The following MBTD1 variants were observed in gnomAD, a reference collection of about 807,000 sequenced individuals.
MBTD1 encodes the protein mbt domain containing 1.
MBTD1 carries 24 observed loss-of-function variants against 87.8 expected under a neutral mutation model. That is an observed-to-expected ratio of 0.27 (90% confidence interval 0.20 to 0.38). The LOEUF (loss-of-function observed/expected upper bound fraction) is 0.38, where lower values mean the gene tolerates loss of function less well. Among genes scored for constraint, MBTD1 ranks in the 10% least tolerant of loss-of-function variants. MBTD1 has a pLI of 1.00. For synonymous variants in MBTD1, 237 were observed against 248.6 expected (o/e 0.95, Z 0.44); for missense variants, 436 against 760.2 (o/e 0.57, Z 5.02).
At chr17:51,192,702 A>T in intron 15 of MBTD1, 80 bp downstream of exon 15, 1 of 1,576,892 alleles carries the variant, frequency 6.3e-7, no homozygotes. Flanking sequence ...CTGTGAGCTC[A>T]TAAGATGACT....
At chr17:51,229,171 C>CA (rs2053415910) in intron 2 of MBTD1, among the ~76,000 whole-genome samples, 1 of 152,104 alleles carries the variant, frequency 6.6e-6, no homozygotes, top group African/African-American at 2.4e-5. Flanking sequence ...CTCTACTAAA[C>CA]AAACAAGAAA....
chr17:51,200,901 C>CTATA (rs2143042668), intron 12 of MBTD1, among the ~76,000 whole-genome samples: 1 of 151,802 alleles, frequency 6.6e-6, no homozygotes, highest in East Asian at 1.9e-4. Context: ...TGGCTCATGC[C>CTATA]TATAATCCTA....
At chr17:51,194,582 A>AAAAAC (rs1464556788) in intron 13 of MBTD1, among the ~76,000 whole-genome samples, 4 of 149,122 alleles carry the variant, frequency 2.7e-5, no homozygotes, top group African/African-American at 9.9e-5. Context: ...AAAAAAAAAA[A>AAAAAC]AAAAAAAAAA....
At chr17:51,212,173 C>T (rs1437505753) in intron 6 of MBTD1, among the ~76,000 whole-genome samples, 2 of 152,070 alleles carry the variant, frequency 1.3e-5, no homozygotes, top group African/African-American at 4.8e-5. Context: ...GCCTGACCAA[C>T]ATGGTGAAAC....
intron 3 of MBTD1, among the ~76,000 whole-genome samples, chr17:51,224,007 C>T (rs1348064864): frequency 2.6e-5 from 4 of 152,144 alleles, no homozygotes; most frequent in Non-Finnish European, 5.9e-5. Context: ...AGTTCATTAT[C>T]ATTTTCAAGA....
At chr17:51,259,244 C>CT in intron 1 of MBTD1, 38 bp from the exon 2 acceptor site, 1 of 1,231,492 alleles carries the variant, frequency 8.1e-7, no homozygotes, top group Admixed American at 4.2e-5. Context: ...AAGGAGAACG[C>CT]AATGGTCACA....
At chr17:51,221,791 CG>C (rs2052908892) in intron 3 of MBTD1, among the ~76,000 whole-genome samples, 2 of 152,010 alleles carry the variant, frequency 1.3e-5, no homozygotes, top group Non-Finnish European at 2.9e-5. Flanking sequence ...GAAGGATGTG[CG>C]TAAGTTATAT....
intron 2 of MBTD1, among the ~76,000 whole-genome samples, chr17:51,252,156 A>G (rs2054823587): frequency 6.6e-6 from 1 of 152,136 alleles, no homozygotes; most frequent in African/African-American, 2.4e-5. Flanking sequence ...CAGCACTTAA[A>G]TCTGTAGCAG....
At position 51,177,638 on chromosome 17, in the gene MBTD1, C is replaced by T. The variant is rs965859712; in HGVS notation, c.*2938G>A. The stretch of plus-strand genomic sequence containing the variant: ...GTTTCAAACACTTTCTCAATGATCA[C>T]GAGTTACCAAGAAAATAAAAGATTA... On this transcript the variant is annotated 3_prime_UTR_variant, in exon 17 of 17. Coordinates refer to ENST00000586178, the MANE Select transcript of MBTD1 (RefSeq NM_017643.3). The T allele has an allele frequency of 1.3e-5, 2 of 152,008 alleles. No individual in the cohort carries two copies. Among genetic ancestry groups the T allele is most frequent in the Non-Finnish European group, 2.9e-5 (2 of 68,012 alleles). 9.4% of individuals were successfully genotyped at this position (152,008 alleles called of 1,614,324 possible).
At chr17:51,183,711 G>A (rs2050416860) in intron 16 of MBTD1, 1 of 152,144 alleles carries the variant, frequency 6.6e-6, no homozygotes, top group African/African-American at 2.4e-5. Flanking sequence ...ATGCTTTTAT[G>A]AGGAATGATA....
chr17:51,214,273 G>A (rs2052441291), intron 6 of MBTD1, among the ~76,000 whole-genome samples: 1 of 151,888 alleles, frequency 6.6e-6, no homozygotes, highest in Non-Finnish European at 1.5e-5. Context: ...AGCCTAAGTA[G>A]AAATATTAAA....
chr17:51,180,309 C>T lies in MBTD1; in HGVS notation c.*267G>A. On this transcript the variant is annotated 3_prime_UTR_variant, in exon 17 of 17. Coordinates refer to ENST00000586178, the MANE Select transcript of MBTD1 (RefSeq NM_017643.3). ...AATTTCAGTTCTTGTTAACAATGCA[C>T]ATAAATCCAAACTTGGAAAATATTA... 1 of 334,966 alleles carries T rather than the reference C, an allele frequency of 3.0e-6. No homozygotes were observed. The highest frequency in any genetic ancestry group is 5.4e-6 in the Non-Finnish European group (1 of 185,520). 20.7% of individuals were successfully genotyped at this position (334,966 alleles called of 1,614,324 possible). A position where few individuals can be genotyped will look rare whatever the true frequency, so the allele number is the denominator to read the frequency against.
chr17:51,236,065 A>G (rs977704650), intron 2 of MBTD1, among the ~76,000 whole-genome samples: 2 of 152,138 alleles, frequency 1.3e-5, no homozygotes, highest in African/African-American at 4.8e-5. Flanking sequence ...ATAGATATCT[A>G]TAGATACATA....
intron 6 of MBTD1, among the ~76,000 whole-genome samples, 154 bp from the exon 7 acceptor site, chr17:51,207,159 A>G (rs2143260661): frequency 6.6e-6 from 1 of 152,334 alleles, no homozygotes; most frequent in Middle Eastern, 3.4e-3. Flanking sequence ...GGAAAAAGCC[A>G]GTTTCAGGGA....
intron 2 of MBTD1, among the ~76,000 whole-genome samples, chr17:51,258,879 A>C (rs1042757092): frequency 2.6e-5 from 4 of 152,132 alleles, no homozygotes; most frequent in Admixed American, 2.0e-4. Flanking sequence ...AGCCCTCACT[A>C]TCTCTCAACC....
chr17:51,226,494 C>T (rs1226312398), intron 2 of MBTD1, among the ~76,000 whole-genome samples: 1 of 151,202 alleles, frequency 6.6e-6, no homozygotes, highest in Non-Finnish European at 1.5e-5. Context: ...CAGAGAGAGA[C>T]CATGTCTCAA....
rs975131915 is a variant in MBTD1, at chr17:51,225,248, C to T, written c.-48-39G>A. ...GAAACCAGTGACACATGACACAACA[C>T]TCATACACACCCCCTAAAAGACCCT... On this transcript the variant is annotated intron_variant, in intron 2 of 16. Coordinates refer to ENST00000586178, the MANE Select transcript of MBTD1 (RefSeq NM_017643.3). 79 of 1,148,426 alleles carry T rather than the reference C, an allele frequency of 6.9e-5. No individual in the cohort carries two copies. The South Asian group carries it at 1.4e-3, about 20-fold the overall frequency. The allele number at this position is 1,148,426 out of a possible 1,614,324, so 71.1% of individuals were successfully genotyped here. A position where few individuals can be genotyped will look rare whatever the true frequency, so the allele number is the denominator to read the frequency against.
Position 51,178,970 on chromosome 17 carries a change from C to T in MBTD1, c.*1606G>A, listed in dbSNP as rs2050184939. On this transcript the variant is annotated 3_prime_UTR_variant, in exon 17 of 17. Transcript: ENST00000586178. ...GGTAAACCTGTGCGTATTACCAATGCTATTATTCCCAAAAGTAGAGCAATA... is the reference window on the plus strand; with the variant it reads ...GGTAAACCTGTGCGTATTACCAATGTTATTATTCCCAAAAGTAGAGCAATA... The T allele has an allele frequency of 6.6e-6, 1 of 152,126 alleles. No homozygotes were observed. The highest frequency in any genetic ancestry group is 2.4e-5 in the African/African-American group (1 of 41,426). The allele number at this position is 152,126 out of a possible 1,614,324, so 9.4% of individuals were successfully genotyped here. A position where few individuals can be genotyped will look rare whatever the true frequency, so the allele number is the denominator to read the frequency against.
intron 13 of MBTD1, 39 bp from the exon 14 acceptor site, chr17:51,193,549 A>T: frequency 1.9e-6 from 2 of 1,072,742 alleles, no homozygotes; most frequent in Non-Finnish European, 2.9e-6. Flanking sequence ...GTTCATTTAA[A>T]ATTAGCATAA....
Sources: allele counts gnomAD v4.1 joint callset (sites outside exome capture counted in the v4.1 genomes callset), GRCh38; gene constraint gnomAD v4.1.1; transcripts MANE v1.5; gene names NCBI Gene and HGNC (gene_info 2026-07-23, HGNC 2026-07-21).